The following ANKS1B variants were observed in gnomAD, a reference collection of about 807,000 sequenced individuals.
ANKS1B encodes ankyrin repeat and sterile alpha motif domain-containing protein 1B.
ANKS1B carries 36 observed loss-of-function variants against 148.3 expected under a neutral mutation model. That is an observed-to-expected ratio of 0.24 (90% CI 0.19 to 0.32). The LOEUF (loss-of-function observed/expected upper bound fraction) is 0.32. ANKS1B is among the 10% of genes least tolerant of loss of function. ANKS1B has a pLI of 1.00. For missense variants in ANKS1B, 1,157 were observed against 1,542.6 expected, an observed-to-expected ratio of 0.75 and a Z score of 4.19; for synonymous variants, 542 against 560.8, an observed-to-expected ratio of 0.97 and a Z score of 0.47.
intron 8 of ANKS1B, among the ~76,000 whole-genome samples, chr12:99,704,532 A>G (rs1224358223): frequency 1.3e-5 from 2 of 151,536 alleles, no homozygotes; most frequent in Non-Finnish European, 2.9e-5. Flanking sequence ...ACACACATAC[A>G]TACACATACA....
At chr12:99,883,870 C>T (rs143842414) in intron 1 of ANKS1B, among the ~76,000 whole-genome samples, 7,240 of 152,104 alleles carry the variant, frequency 0.048, 541 homozygotes, top group African/African-American at 0.16. Context: ...GAGCTGACAT[C>T]GTGCCACTGC....
chr12:99,278,633 C>A (rs1256515870), intron 12 of ANKS1B, among the ~76,000 whole-genome samples: 4 of 152,094 alleles, frequency 2.6e-5, no homozygotes, highest in African/African-American at 9.7e-5. Flanking sequence ...TGAAACCTCC[C>A]CAAGCTGAGT....
intron 14 of ANKS1B, among the ~76,000 whole-genome samples, chr12:99,213,509 C>T (rs931073209): frequency 3.9e-5 from 6 of 152,108 alleles, no homozygotes; most frequent in South Asian, 2.1e-4. Flanking sequence ...TCCACTCAGA[C>T]GTGTCTAAAG....
intron 8 of ANKS1B, among the ~76,000 whole-genome samples, chr12:99,667,710 T>C (rs548720356): frequency 6.6e-6 from 1 of 152,212 alleles, no homozygotes; most frequent in South Asian, 2.1e-4. Flanking sequence ...TTGTAAAGGC[T>C]TTTTATTATA....
chr12:99,528,133 T>C (rs1469023467), intron 9 of ANKS1B, among the ~76,000 whole-genome samples: 1 of 152,144 alleles, frequency 6.6e-6, no homozygotes, highest in Admixed American at 6.6e-5. Context: ...AAGTACTCCC[T>C]ATTCAATAAA....
At chr12:99,212,082 A>G (rs1051226699) in intron 14 of ANKS1B, among the ~76,000 whole-genome samples, 1 of 152,124 alleles carries the variant, frequency 6.6e-6, no homozygotes, top group African/African-American at 2.4e-5. Flanking sequence ...CTGCATACTG[A>G]TTTTGTCTAA....
intron 17 of ANKS1B, among the ~76,000 whole-genome samples, chr12:98,978,824 T>C (rs2099903048): frequency 6.6e-6 from 1 of 152,120 alleles, no homozygotes; most frequent in African/African-American, 2.4e-5. Context: ...ATTTTTGCTT[T>C]AAATAGCTAA....
intron 12 of ANKS1B, among the ~76,000 whole-genome samples, chr12:99,369,773 GATAGATAGATAGATA>G (rs1357607332): frequency 6.9e-6 from 1 of 143,956 alleles, no homozygotes; most frequent in East Asian, 2.2e-4. Flanking sequence ...TAGATAGATA[GATAGATAGATAGATA>G]GATGGACGGA....
chr12:99,139,599 A>C (rs2069865026), intron 15 of ANKS1B, among the ~76,000 whole-genome samples: 1 of 148,850 alleles, frequency 6.7e-6, no homozygotes, highest in South Asian at 2.2e-4. Flanking sequence ...TTCTAACACT[A>C]ATTTCTCCAA....
intron 17 of ANKS1B, among the ~76,000 whole-genome samples, chr12:98,899,043 G>T (rs1252014487): frequency 6.6e-6 from 1 of 152,102 alleles, no homozygotes; most frequent in Non-Finnish European, 1.5e-5. Flanking sequence ...ATCCAAAGAT[G>T]GTGGTAATTT....
intron 9 of ANKS1B, among the ~76,000 whole-genome samples, chr12:99,643,872 C>A (rs1481600484): frequency 6.6e-6 from 1 of 152,148 alleles, no homozygotes; most frequent in Non-Finnish European, 1.5e-5. Context: ...GTTTTTGATC[C>A]TCCTGAGGCA....
chr12:99,750,723 C>T (rs1317555300), intron 8 of ANKS1B, among the ~76,000 whole-genome samples: 1 of 152,126 alleles, frequency 6.6e-6, no homozygotes, highest in East Asian at 1.9e-4. Flanking sequence ...CATCTTTACC[C>T]ATACCACCTT....
At chr12:98,790,200 TAG>T (rs1420721610) in intron 22 of ANKS1B, among the ~76,000 whole-genome samples, 3 of 152,176 alleles carry the variant, frequency 2.0e-5, no homozygotes, top group Non-Finnish European at 4.4e-5. Flanking sequence ...GGGGTGTGTG[TAG>T]CCATCTTGAG....
intron 17 of ANKS1B, among the ~76,000 whole-genome samples, chr12:98,842,064 C>G (rs2099409738): frequency 6.6e-6 from 1 of 152,164 alleles, no homozygotes; most frequent in South Asian, 2.1e-4. Context: ...CAAGTTGACT[C>G]TAGCTAGCAA....
At chr12:99,749,638 T>C (rs546717725) in intron 8 of ANKS1B, among the ~76,000 whole-genome samples, 2 of 152,196 alleles carry the variant, frequency 1.3e-5, no homozygotes, top group African/African-American at 2.4e-5. Flanking sequence ...ATATGGGTGT[T>C]ACCTCTTTGA....
At position 98,844,783 on chromosome 12, in the gene ANKS1B, T is replaced by C. The variant is rs77996039; in HGVS notation, c.2779-12647A>G. Among the ~76,000 whole-genome samples, 1,174 of 152,348 alleles carry C rather than the reference T, an allele frequency of 7.7e-3. 13 individuals carry two copies. The highest frequency in any genetic ancestry group is 0.011 in the Non-Finnish European group (736 of 68,032). ...GGCTCTGCCCCTGGATTCTGCTCTA[T>C]TCAATATTTTTATTAATGGCATCAA... On this transcript the variant is annotated intron_variant, in intron 17 of 26. Coordinates refer to ENST00000683438, the MANE Select transcript of ANKS1B (RefSeq NM_001352186.2).
intron 11 of ANKS1B, among the ~76,000 whole-genome samples, chr12:99,433,833 G>T (rs2095417901): frequency 6.6e-6 from 1 of 151,992 alleles, no homozygotes; most frequent in Admixed American, 6.6e-5. Context: ...ATGATCCTTG[G>T]GGCATTGGAT....
intron 12 of ANKS1B, among the ~76,000 whole-genome samples, chr12:99,317,025 C>A (rs1566877392): frequency 6.6e-6 from 1 of 151,668 alleles, no homozygotes; most frequent in African/African-American, 2.4e-5. Context: ...TTCCATTGGT[C>A]TGTGTGTGTT....
chr12:99,937,082 C>T (rs779355332), intron 1 of ANKS1B, among the ~76,000 whole-genome samples: 1 of 152,170 alleles, frequency 6.6e-6, no homozygotes, highest in Non-Finnish European at 1.5e-5. Context: ...TCAATACGCA[C>T]ATCTGGAGTT....
Sources: gnomAD v4.1 joint callset for allele counts (sites outside exome capture counted in the v4.1 genomes callset) on GRCh38, gnomAD v4.1.1 for gene constraint, MANE v1.5 for transcripts, NCBI Gene and HGNC (gene_info 2026-07-23, HGNC 2026-07-21) for gene names.